The following CTNND2 variants were observed in gnomAD, a reference collection of about 807,000 sequenced individuals.
The protein encoded by CTNND2 is catenin delta-2.
Under a neutral mutation model 144.4 loss-of-function variants are expected in CTNND2, and 22 were observed. The observed-to-expected ratio is 0.15, with a 90% confidence interval of 0.11 to 0.22. The LOEUF (loss-of-function observed/expected upper bound fraction) is 0.22. Among genes scored for constraint, CTNND2 ranks in the 10% least tolerant of loss-of-function variants. The pLI is 1.00. For missense variants in CTNND2, 1,353 were observed against 1,618.8 expected (o/e 0.84, Z 2.82); for synonymous variants, 751 against 695.6 (o/e 1.08, Z -1.25).
intron 3 of CTNND2, among the ~76,000 whole-genome samples, chr5:11,446,652 TGTGCTGGGTTCAG>T (rs549224271): frequency 2.6e-3 from 395 of 152,288 alleles, no homozygotes; most frequent in African/African-American, 9.0e-3. Flanking sequence ...GAGAAGTGTC[TGTGCTGGGTTCAG>T]TCTGTACCCC....
chr5:11,585,823 T>C (rs1778815996), intron 2 of CTNND2, among the ~76,000 whole-genome samples: 1 of 151,912 alleles, frequency 6.6e-6, no homozygotes, highest in South Asian at 2.1e-4. Context: ...AGGTGAGGCG[T>C]GTGTATACCT....
At chr5:11,386,384 A>C (rs1424374684) in intron 6 of CTNND2, among the ~76,000 whole-genome samples, 1 of 152,224 alleles carries the variant, frequency 6.6e-6, no homozygotes, top group Admixed American at 6.5e-5. Flanking sequence ...GATGCTAGCC[A>C]TTAAAAGTTT....
intron 16 of CTNND2, among the ~76,000 whole-genome samples, chr5:11,056,551 C>T (rs6872990): frequency 0.17 from 26,289 of 152,122 alleles, 4,255 homozygotes; most frequent in East Asian, 0.58. Context: ...CTCTTGGGCT[C>T]AAGCGATCCT....
chr5:11,465,169 T>G (rs916802067), intron 3 of CTNND2, among the ~76,000 whole-genome samples: 1 of 152,242 alleles, frequency 6.6e-6, no homozygotes, highest in African/African-American at 2.4e-5. Flanking sequence ...GCAGTAATTG[T>G]TCACATTGTT....
intron 3 of CTNND2, among the ~76,000 whole-genome samples, chr5:11,426,806 A>G (rs1185505799): frequency 6.6e-6 from 1 of 152,222 alleles, no homozygotes; most frequent in Non-Finnish European, 1.5e-5. Context: ...TTAGCCAATC[A>G]GTTAAGTTGA....
At chr5:11,486,255 A>AGGTGATAATATCCAGTAGATCACACTG (rs1561463057) in intron 3 of CTNND2, among the ~76,000 whole-genome samples, 1 of 152,180 alleles carries the variant, frequency 6.6e-6, no homozygotes, top group African/African-American at 2.4e-5. Context: ...AGATCACACT[A>AGGTGATAATATCCAGTAGATCACACTG]GGTGATAATA....
At position 11,384,814 on chromosome 5, in the gene CTNND2, G is replaced by T; in HGVS notation, c.1028C>A (p.Ser343Tyr). ...GGAGCTCAGCTGGTGGATGGGCGAG[G>T]AGGAGATGGTGGACTGCACGGTGGG... is the stretch of plus-strand genomic sequence containing the variant. ...SPPTVQSTIS[S>Y]SPIHQLSSTI... The change falls in exon 7 of 22, where the codon TCC becomes TAC. Residue 343 changes from serine (S) to tyrosine (Y), a missense_variant. Transcript: ENST00000304623. This position sits in a 1 kb window ranked among gnomAD's most constrained non-coding sequence, Gnocchi z 5.2. 1 of 1,613,350 alleles carries T rather than the reference G, an allele frequency of 6.2e-7. No homozygotes were observed. Among genetic ancestry groups the T allele is most frequent in the Non-Finnish European group, 8.5e-7 (1 of 1,179,772 alleles).
chr5:11,032,787 T>C (rs1233961391), intron 16 of CTNND2, among the ~76,000 whole-genome samples: 1 of 152,254 alleles, frequency 6.6e-6, no homozygotes, highest in African/African-American at 2.4e-5. Flanking sequence ...ATACCACTTA[T>C]ATAACATTCT....
chr5:11,505,795 C>T (rs1770972419), intron 3 of CTNND2, among the ~76,000 whole-genome samples: 1 of 152,126 alleles, frequency 6.6e-6, no homozygotes, highest in Non-Finnish European at 1.5e-5. Context: ...GAATTATCCC[C>T]CAAATTACAC....
intron 1 of CTNND2, among the ~76,000 whole-genome samples, chr5:11,735,194 T>G (rs1043121380): frequency 6.6e-6 from 1 of 152,306 alleles, no homozygotes; most frequent in East Asian, 1.9e-4. Context: ...AGAAAGAGAT[T>G]TGCGTAATTA....
chr5:11,475,811 T>C (rs898137337), intron 3 of CTNND2, among the ~76,000 whole-genome samples: 4 of 151,922 alleles, frequency 2.6e-5, no homozygotes, highest in African/African-American at 7.3e-5. Context: ...CTGGATGGAC[T>C]CTTACCAGAT....
intron 9 of CTNND2, among the ~76,000 whole-genome samples, chr5:11,287,022 C>T (rs1747827184): frequency 6.6e-6 from 1 of 152,132 alleles, no homozygotes; most frequent in Non-Finnish European, 1.5e-5. Flanking sequence ...CATATACACA[C>T]CCACATGGAT....
At chr5:11,193,589 C>T (rs1736559333) in intron 11 of CTNND2, among the ~76,000 whole-genome samples, 1 of 152,066 alleles carries the variant, frequency 6.6e-6, no homozygotes, top group African/African-American at 2.4e-5. Flanking sequence ...TAATTTGCTC[C>T]TCTGACCCCT....
intron 9 of CTNND2, among the ~76,000 whole-genome samples, chr5:11,277,374 C>T (rs1311060922): frequency 6.6e-6 from 1 of 151,860 alleles, no homozygotes; most frequent in African/African-American, 2.4e-5. Flanking sequence ...TTTGAACTCA[C>T]TTGTTAATTA....
intron 3 of CTNND2, among the ~76,000 whole-genome samples, chr5:11,525,571 T>G (rs990309281): frequency 1.3e-5 from 2 of 152,190 alleles, no homozygotes; most frequent in African/African-American, 4.8e-5. Flanking sequence ...AGCAGTACTG[T>G]GAACCACACA....
At chr5:11,545,014 T>C (rs1308636744) in intron 3 of CTNND2, among the ~76,000 whole-genome samples, 3 of 148,534 alleles carry the variant, frequency 2.0e-5, no homozygotes, top group African/African-American at 7.5e-5. Context: ...CCCAGCTACT[T>C]GGGAGGCTGA....
intron 2 of CTNND2, among the ~76,000 whole-genome samples, chr5:11,623,802 GTGTATGTA>G (rs1180228319): frequency 4.4e-4 from 17 of 38,544 alleles, no homozygotes; most frequent in African/African-American, 1.5e-3. Flanking sequence ...ATATATATGT[GTGTATGTA>G]TATATATATA....
At chr5:11,194,780 C>T (rs1046233365) in intron 11 of CTNND2, among the ~76,000 whole-genome samples, 5 of 152,074 alleles carry the variant, frequency 3.3e-5, no homozygotes, top group African/African-American at 1.2e-4. Context: ...TAACTAATAT[C>T]CTTAGAGAAA....
At chr5:11,364,969 T>A in intron 7 of CTNND2, 79 bp from the exon 8 acceptor site, 2 of 1,264,890 alleles carry the variant, frequency 1.6e-6, no homozygotes, top group Non-Finnish European at 2.2e-6. Flanking sequence ...CATATTCAAA[T>A]TTTTTTGGAC....
Sources: allele counts gnomAD v4.1 joint callset (sites outside exome capture counted in the v4.1 genomes callset), GRCh38; gene constraint gnomAD v4.1.1; non-coding constraint Gnocchi (gnomAD v3.1); transcripts MANE v1.5; gene names NCBI Gene and HGNC (gene_info 2026-07-23, HGNC 2026-07-21).